SLC10A7: variants seen among roughly 807,000 people sequenced by gnomAD.
SLC10A7 encodes solute carrier family 10 member 7, also known as sodium/bile acid cotransporter 7.
In SLC10A7, 29 loss-of-function variants were observed where a neutral mutation model predicts 43.2. The observed-to-expected ratio is 0.67, with a 90% CI of 0.50 to 0.92. SLC10A7 has a LOEUF of 0.92. Ranked by LOEUF, SLC10A7 falls within the 40% of genes least tolerant of loss-of-function variation. The pLI is 0.00. For synonymous variants in SLC10A7, 152 were observed against 144.8 expected, an observed-to-expected ratio of 1.05 and a Z score of -0.35; for missense variants, 295 against 403.2, an observed-to-expected ratio of 0.73 and a Z score of 2.30.
intron 4 of SLC10A7, among the ~76,000 whole-genome samples, chr4:146,495,766 A>AACACACACACACACAC (rs57202992): frequency 3.9e-4 from 54 of 139,628 alleles, no homozygotes; most frequent in East Asian, 1.7e-3. Context: ...GATGAAAGTA[A>AACACACACACACACAC]ACACACACAC....
intron 5 of SLC10A7, among the ~76,000 whole-genome samples, chr4:146,427,463 T>C (rs1208292340): frequency 6.6e-6 from 1 of 152,162 alleles, no homozygotes; most frequent in African/African-American, 2.4e-5. Context: ...CCTTTTGACT[T>C]CAACAGTTGT....
At chr4:146,359,446 C>T (rs140721617) in intron 5 of SLC10A7, among the ~76,000 whole-genome samples, 2 of 152,056 alleles carry the variant, frequency 1.3e-5, no homozygotes, top group African/African-American at 2.4e-5. Flanking sequence ...TTAAGATGTT[C>T]ACCTATGTTT....
intron 5 of SLC10A7, among the ~76,000 whole-genome samples, chr4:146,380,655 G>A (rs1737547948): frequency 6.6e-6 from 1 of 151,958 alleles, no homozygotes; most frequent in Non-Finnish European, 1.5e-5. Flanking sequence ...CAAAATGTAG[G>A]CGATCCATTG....
At chr4:146,432,684 T>C (rs947410119) in intron 5 of SLC10A7, among the ~76,000 whole-genome samples, 2 of 152,190 alleles carry the variant, frequency 1.3e-5, no homozygotes, top group Non-Finnish European at 2.9e-5. Flanking sequence ...TGTGACTGCA[T>C]ACATTTGTCA....
chr4:146,506,754 T>G (rs1736944044), intron 3 of SLC10A7, among the ~76,000 whole-genome samples: 2 of 151,026 alleles, frequency 1.3e-5, no homozygotes, highest in Admixed American at 6.6e-5. Context: ...GTTTGTTTGG[T>G]TTTTTTTTGT....
Position 146,331,254 on chromosome 4 carries a change from C to G in SLC10A7, c.436-5258G>C, listed in dbSNP as rs575072395. On this transcript the variant is annotated intron_variant, in intron 5 of 11. Coordinates refer to ENST00000335472, the MANE Select transcript of SLC10A7 (RefSeq NM_001029998.6). ...ACTTGGAAATGAGGCAACAAGAGGACAGCATGTCCCTTTAATGTCATCTTG... is the reference window on the plus strand; with the variant it reads ...ACTTGGAAATGAGGCAACAAGAGGAGAGCATGTCCCTTTAATGTCATCTTG... Among the ~76,000 whole-genome samples the G allele has an allele frequency of 2.0e-5, 3 of 152,154 alleles. 1 individual carries two copies. The highest frequency in any genetic ancestry group is 4.1e-4 in the South Asian group (2 of 4,822).
chr4:146,287,651 C>A (rs1196720842), intron 9 of SLC10A7, among the ~76,000 whole-genome samples: 1 of 152,164 alleles, frequency 6.6e-6, no homozygotes, highest in African/African-American at 2.4e-5. Flanking sequence ...AACTTCCATG[C>A]AGGAGTGAGT....
At chr4:146,386,314 G>A (rs111635304) in intron 5 of SLC10A7, among the ~76,000 whole-genome samples, 1 of 151,986 alleles carries the variant, frequency 6.6e-6, no homozygotes, top group Non-Finnish European at 1.5e-5. Context: ...GTTTTGATTT[G>A]CACTTCTCTC....
At position 146,325,940 on chromosome 4, in the gene SLC10A7, A is replaced by C; in HGVS notation, c.471+21T>G. 1.9e-6 allele frequency: 3 copies of C among 1,604,022 alleles called. No individual in the cohort carries two copies. In the South Asian group the frequency reaches 3.3e-5, roughly 18 times the overall value. ...GATAGCTTTTAATAAAATATATTAAAGACAACATCAAAATACTCACAAAAA... is the reference window on the plus strand; with the variant it reads ...GATAGCTTTTAATAAAATATATTAACGACAACATCAAAATACTCACAAAAA... On this transcript the variant is annotated intron_variant, in intron 6 of 11. Coordinates refer to ENST00000335472, the MANE Select transcript of SLC10A7 (RefSeq NM_001029998.6).
intron 5 of SLC10A7, among the ~76,000 whole-genome samples, chr4:146,339,858 G>A (rs1312171022): frequency 6.8e-6 from 1 of 147,628 alleles, no homozygotes; most frequent in Non-Finnish European, 1.5e-5. Context: ...TGTGCGGGAT[G>A]TGCAGGTTTG....
intron 5 of SLC10A7, among the ~76,000 whole-genome samples, chr4:146,376,444 C>T (rs185193092): frequency 8.0e-5 from 12 of 150,884 alleles, no homozygotes; most frequent in Non-Finnish European, 1.6e-4. Flanking sequence ...GCCCACCACA[C>T]CCCCCATCCT....
At chr4:146,485,876 C>A (rs143840236) in intron 4 of SLC10A7, among the ~76,000 whole-genome samples, 1 of 150,632 alleles carries the variant, frequency 6.6e-6, no homozygotes, top group Admixed American at 6.6e-5. Context: ...GAGACAATGA[C>A]GAAAGAAAAG....
intron 6 of SLC10A7, among the ~76,000 whole-genome samples, chr4:146,324,024 C>A (rs996551285): frequency 1.3e-5 from 2 of 152,036 alleles, no homozygotes; most frequent in African/African-American, 2.4e-5. Flanking sequence ...TCTTATACAC[C>A]AATAACAGAC....
rs1321567326 is a variant in SLC10A7, at chr4:146,254,561, A to G, written c.*1930T>C. On this transcript the variant is annotated 3_prime_UTR_variant, in exon 12 of 12. Transcript: ENST00000335472. ...TGAAAACAAAGCACATTTTTAAAGCAAACGATAAAATGTTATCATAGCATT... is the reference window on the plus strand; with the variant it reads ...TGAAAACAAAGCACATTTTTAAAGCGAACGATAAAATGTTATCATAGCATT... 1 of 152,256 alleles carries G rather than the reference A, an allele frequency of 6.6e-6. No individual in the cohort carries two copies. Among genetic ancestry groups the G allele is most frequent in the African/African-American group, 2.4e-5 (1 of 41,466 alleles). 9.4% of individuals were successfully genotyped at this position (152,256 alleles called of 1,614,324 possible).
At chr4:146,352,196 C>A (rs1249759594) in intron 5 of SLC10A7, among the ~76,000 whole-genome samples, 1 of 105,692 alleles carries the variant, frequency 9.5e-6, no homozygotes, top group Non-Finnish European at 1.9e-5. Flanking sequence ...GGAAGATCTA[C>A]CAAGCCAATG....
chr4:146,494,667 T>C (rs1336741372), intron 4 of SLC10A7, among the ~76,000 whole-genome samples: 1 of 152,142 alleles, frequency 6.6e-6, no homozygotes, highest in Non-Finnish European at 1.5e-5. Flanking sequence ...ACTCATCTTT[T>C]CTGTGTCATG....
intron 5 of SLC10A7, among the ~76,000 whole-genome samples, chr4:146,436,993 T>C (rs929534280): frequency 6.6e-6 from 1 of 152,136 alleles, no homozygotes; most frequent in Non-Finnish European, 1.5e-5. Context: ...GATGTCTGAA[T>C]GCTGGAAAGC....
At chr4:146,456,274 T>G (rs1198111656) in intron 4 of SLC10A7, among the ~76,000 whole-genome samples, 1 of 151,888 alleles carries the variant, frequency 6.6e-6, no homozygotes, top group Non-Finnish European at 1.5e-5. Context: ...TTGATACACC[T>G]CTAAAACAGG....
intron 5 of SLC10A7, among the ~76,000 whole-genome samples, chr4:146,431,226 G>A (rs1729752378): frequency 6.6e-6 from 1 of 152,018 alleles, no homozygotes. Context: ...ATTATTTTCA[G>A]GGACAGGCAT....
Sources: gnomAD v4.1 joint callset for allele counts (sites outside exome capture counted in the v4.1 genomes callset) on GRCh38, gnomAD v4.1.1 for gene constraint, MANE v1.5 for transcripts, NCBI Gene and HGNC (gene_info 2026-07-23, HGNC 2026-07-21) for gene names.